The following SLCO4C1 variants were observed in gnomAD, a reference collection of about 807,000 sequenced individuals.
SLCO4C1 encodes the protein organic anion transporter M1.
SLCO4C1 carries 58 observed loss-of-function variants against 72.1 expected under a neutral mutation model. That is an observed-to-expected ratio of 0.80 (90% confidence interval 0.65 to 1.00). The LOEUF (loss-of-function observed/expected upper bound fraction) is 1.00, where lower values mean the gene tolerates loss of function less well. Ranked by LOEUF, SLCO4C1 falls within the 50% of genes least tolerant of loss-of-function variation. SLCO4C1 has a pLI of 0.00. For synonymous variants in SLCO4C1, 297 were observed against 312.5 expected, an observed-to-expected ratio of 0.95 and a Z score of 0.52; for missense variants, 898 against 857.9, an observed-to-expected ratio of 1.05 and a Z score of -0.58.
intron 8 of SLCO4C1, 77 bp downstream of exon 8, chr5:102,257,038 T>C (rs174414): frequency 0.62 from 759,528 of 1,215,314 alleles, 237,779 homozygotes; most frequent in East Asian, 0.68. Context: ...TTTCTCACCA[T>C]TTAAGAAAAC....
Position 102,236,581 on chromosome 5 carries a change from C to CGTGT in SLCO4C1, c.*273_*276dup, listed in dbSNP as rs35918245. The CGTGT allele has an allele frequency of 3.8e-3, 1,009 of 262,342 alleles. 2 individuals carry two copies. Among genetic ancestry groups the CGTGT allele is most frequent in the South Asian group, 0.022 (466 of 20,864 alleles). 16.3% of individuals were successfully genotyped at this position (262,342 alleles called of 1,614,324 possible). ...AATAGGAAATAAGTGTGTATGTGTG[C>CGTGT]GTGTGTGTGTGTGTGTGTGTGTTCG... On this transcript the variant is annotated 3_prime_UTR_variant, in exon 13 of 13. Coordinates refer to ENST00000310954, the MANE Select transcript of SLCO4C1 (RefSeq NM_180991.5).
chr5:102,237,969 C>A (rs908240018), intron 12 of SLCO4C1, among the ~76,000 whole-genome samples: 1 of 152,072 alleles, frequency 6.6e-6, no homozygotes, highest in Non-Finnish European at 1.5e-5. Context: ...TAATAATTGC[C>A]AGCCTAATAA....
chr5:102,267,997 T>C (rs2112371587), intron 3 of SLCO4C1, among the ~76,000 whole-genome samples: 1 of 152,282 alleles, frequency 6.6e-6, no homozygotes, highest in East Asian at 1.9e-4. Flanking sequence ...TGAGACTTAC[T>C]TTGTGGCTTC....
chr5:102,293,779 G>T (rs1459390293), intron 1 of SLCO4C1, among the ~76,000 whole-genome samples: 1 of 152,016 alleles, frequency 6.6e-6, no homozygotes, highest in Admixed American at 6.6e-5. Context: ...TCTGTCACCA[G>T]GCTGGAGTGC....
In SLCO4C1 at chr5:102,263,782, TAGA is replaced by T. The variant is rs748658760; in HGVS notation, c.803-5_803-3del. On this transcript the variant is annotated splice_polypyrimidine_tract_variant and splice_region_variant and intron_variant, in intron 3 of 12. Transcript: ENST00000310954. ...AGATTGACATAGCATAACCGGTTCC[TAGA>T]AGAAGAACAGAGACATTGAATACAG... 2.5e-5 allele frequency: 40 copies of T among 1,609,582 alleles called. 1 individual carries two copies. The South Asian group carries it at 2.6e-4, about 11-fold the overall frequency.
chr5:102,248,749 A>T (rs996002747), intron 9 of SLCO4C1, among the ~76,000 whole-genome samples: 2 of 152,098 alleles, frequency 1.3e-5, no homozygotes, highest in South Asian at 4.1e-4. Context: ...TTTCCCTTAG[A>T]TCCTTTTAAA....
intron 8 of SLCO4C1, among the ~76,000 whole-genome samples, chr5:102,250,497 C>T (rs1748717713): frequency 4.6e-5 from 7 of 152,106 alleles, no homozygotes; most frequent in South Asian, 4.2e-4. Context: ...AATACAAAGC[C>T]GAATAAGACA....
chr5:102,255,092 TAC>T (rs781062175), intron 8 of SLCO4C1, among the ~76,000 whole-genome samples: 3 of 152,214 alleles, frequency 2.0e-5, no homozygotes, highest in Non-Finnish European at 4.4e-5. Context: ...TATATCTATA[TAC>T]ACACACATAC....
At chr5:102,284,050 AC>A (rs1360487051) in intron 2 of SLCO4C1, among the ~76,000 whole-genome samples, 4 of 152,196 alleles carry the variant, frequency 2.6e-5, no homozygotes, top group African/African-American at 9.6e-5. Context: ...CAAAAAGATT[AC>A]GGAAAATAAT....
At chr5:102,293,628 C>A (rs939660004) in intron 1 of SLCO4C1, among the ~76,000 whole-genome samples, 5 of 152,128 alleles carry the variant, frequency 3.3e-5, no homozygotes, top group East Asian at 1.9e-4. Context: ...TTAAATATAC[C>A]ATGGAAATGA....
intron 2 of SLCO4C1, among the ~76,000 whole-genome samples, chr5:102,281,285 C>G (rs1169353524): frequency 6.6e-6 from 1 of 152,006 alleles, no homozygotes; most frequent in Non-Finnish European, 1.5e-5. Context: ...ATCTTTTATA[C>G]AAATTAACTC....
chr5:102,237,439 CA>C (rs113559175), intron 12 of SLCO4C1, among the ~76,000 whole-genome samples: 12,439 of 145,532 alleles, frequency 0.085, 853 homozygotes, highest in African/African-American at 0.19. Context: ...CTGTCTCTAC[CA>C]AAAAAAAAAA....
rs1219281823 is a variant in SLCO4C1, at chr5:102,291,584, T to G, written c.378A>C (p.Val126=). 6 of 1,612,636 alleles carry G rather than the reference T, an allele frequency of 3.7e-6. No homozygotes were observed. The South Asian group carries it at 6.6e-5, about 18-fold the overall frequency. The change falls in exon 2 of 13, where the codon GTA becomes GTC. Residue 126 remains valine, a synonymous_variant. Coordinates refer to ENST00000310954, the MANE Select transcript of SLCO4C1 (RefSeq NM_180991.5). The part of the protein sequence containing the change: ...VTQGIVVNGL[V]NISISTVEKR... Reference sequence around the variant, plus strand: ...TCTCAACAGTGGAAATGCTAATATTTACTAGGCCATTAACTACAATACCTA... The same window carrying G: ...TCTCAACAGTGGAAATGCTAATATTGACTAGGCCATTAACTACAATACCTA...
Position 102,295,952 on chromosome 5 carries a change from G to A in SLCO4C1, c.311C>T (p.Pro104Leu). 1 of 1,614,256 alleles carries A rather than the reference G, an allele frequency of 6.2e-7. No homozygotes were observed. Among genetic ancestry groups the A allele is most frequent in the African/African-American group, 1.3e-5 (1 of 75,072 alleles). ...HPQCLQRCNTPGGFLLHYCLL... is the reference protein window; with the variant it reads ...HPQCLQRCNTLGGFLLHYCLL... ...GCAGTAGTGAAGCAGAAAGCCTCCA[G>A]GTGTGTTGCAGCGCTGGAGACATTG... Residue 104 changes from proline (P) to leucine (L), a missense_variant, in exon 1 of 13, where the codon CCT (proline) becomes CTT (leucine). Transcript: ENST00000310954.
intron 1 of SLCO4C1, among the ~76,000 whole-genome samples, chr5:102,293,712 G>T (rs996317888): frequency 6.6e-6 from 1 of 151,850 alleles, no homozygotes; most frequent in African/African-American, 2.4e-5. Context: ...ACGTAAACTA[G>T]TAATTTATTG....
At position 102,295,796 on chromosome 5, in the gene SLCO4C1, G is replaced by A. The variant is rs1032776734; in HGVS notation, c.355+112C>T. 7 of 1,096,692 alleles carry A rather than the reference G, an allele frequency of 6.4e-6. 1 individual carries two copies. In the Middle Eastern group the frequency reaches 1.2e-3, roughly 188 times the overall value. 67.9% of individuals were successfully genotyped at this position (1,096,692 alleles called of 1,614,324 possible). Reference sequence around the variant, plus strand: ...GTTCCAAACCCGGGGCCACCTTGCAGGGCGCGTCCACCGTCCCACGGACCC... The same window carrying A: ...GTTCCAAACCCGGGGCCACCTTGCAAGGCGCGTCCACCGTCCCACGGACCC... On this transcript the variant is annotated intron_variant, in intron 1 of 12. Transcript: ENST00000310954.
chr5:102,270,788 C>T lies in SLCO4C1; in HGVS notation c.638G>A (p.Arg213Lys), dbSNP rs1330632886. ...SLFEDTCVTT[R>K]NSTSCTSSTS... is the part of the protein sequence containing the mutation. The stretch of plus-strand genomic sequence containing the variant: ...TGAAGATGTACAACTGGTGCTATTC[C>T]TTGTTGTTACACAAGTGTCTTTGTG... Residue 213 changes from arginine (R) to lysine (K), a missense_variant, in exon 3 of 13, where the codon AGG becomes AAG. Transcript: ENST00000310954. The T allele has an allele frequency of 6.3e-7, 1 of 1,587,192 alleles. No homozygotes were observed. Among genetic ancestry groups the T allele is most frequent in the African/African-American group, 1.4e-5 (1 of 71,266 alleles).
rs531294707 is a variant in SLCO4C1 at position 102,234,648 on chromosome 5, A to G, written c.*2210T>C. The G allele has an allele frequency of 1.3e-5, 2 of 152,276 alleles. No homozygotes were observed. The highest frequency in any genetic ancestry group is 4.1e-4 in the South Asian group (2 of 4,824). The allele number at this position is 152,276 out of a possible 1,614,324, so 9.4% of individuals were successfully genotyped here. On this transcript the variant is annotated 3_prime_UTR_variant, in exon 13 of 13. Coordinates refer to ENST00000310954, the MANE Select transcript of SLCO4C1 (RefSeq NM_180991.5). Reference sequence around the variant, plus strand: ...CTTCCTCTAAATTAAGTGGCCCTAGACTAATATATTTGTTCAGTTATTCTG... The same window carrying G: ...CTTCCTCTAAATTAAGTGGCCCTAGGCTAATATATTTGTTCAGTTATTCTG...
chr5:102,247,700 A>G (rs1483646072), intron 9 of SLCO4C1, among the ~76,000 whole-genome samples: 1 of 152,136 alleles, frequency 6.6e-6, no homozygotes, highest in Non-Finnish European at 1.5e-5. Context: ...TTGACTTACA[A>G]AACAATTTAA....
Sources: gnomAD v4.1 joint callset for allele counts (sites outside exome capture counted in the v4.1 genomes callset) on GRCh38, gnomAD v4.1.1 for gene constraint, MANE v1.5 for transcripts, NCBI Gene and HGNC (gene_info 2026-07-23, HGNC 2026-07-21) for gene names.